ALDH7A1: variants seen among roughly 807,000 people sequenced by gnomAD.
The protein encoded by ALDH7A1 is alpha-aminoadipic semialdehyde dehydrogenase.
Under a neutral mutation model 79.9 loss-of-function variants are expected in ALDH7A1, and 63 were observed. The ratio of observed to expected loss-of-function variants is 0.79; its 90% CI spans 0.64 to 0.97. ALDH7A1 has a LOEUF of 0.97. ALDH7A1 is among the 50% of genes least tolerant of loss of function. The pLI, the probability that ALDH7A1 is intolerant of heterozygous loss-of-function variation, is 0.00. For synonymous variants in ALDH7A1, 240 were observed against 231.2 expected, an observed-to-expected ratio of 1.04 and a Z score of -0.34; for missense variants, 627 against 665.2, an observed-to-expected ratio of 0.94 and a Z score of 0.63.
chr5:126,583,200 A>T (rs1751232178), intron 4 of ALDH7A1, among the ~76,000 whole-genome samples: 2 of 152,156 alleles, frequency 1.3e-5, no homozygotes, highest in South Asian at 2.1e-4. Flanking sequence ...ATAAAGTACA[A>T]CCGGGCACAG....
intron 11 of ALDH7A1, 133 bp downstream of exon 11, chr5:126,559,107 G>T: frequency 1.4e-6 from 1 of 740,236 alleles, no homozygotes; most frequent in Non-Finnish European, 2.4e-6. Context: ...AAGAGAACTG[G>T]ACCACATATT....
At chr5:126,559,620 A>G (rs552207588) in intron 10 of ALDH7A1, among the ~76,000 whole-genome samples, 1 of 152,036 alleles carries the variant, frequency 6.6e-6, no homozygotes, top group African/African-American at 2.4e-5. Context: ...TTTAGTAGCA[A>G]TGGGGTGTCA....
chr5:126,579,376 G>C (rs1751092726), intron 5 of ALDH7A1, among the ~76,000 whole-genome samples: 1 of 152,168 alleles, frequency 6.6e-6, no homozygotes, highest in Admixed American at 6.5e-5. Flanking sequence ...CATGAGGCTG[G>C]GTTAGGGGAT....
chr5:126,593,927 G>A (rs1434025322), intron 1 of ALDH7A1: 4 of 273,226 alleles, frequency 1.5e-5, no homozygotes, highest in South Asian at 1.1e-4. Flanking sequence ...ACCGAGGTCT[G>A]AGGAGCAATT....
chr5:126,594,581 A>C (rs1751675431), intron 1 of ALDH7A1: 2 of 304,416 alleles, frequency 6.6e-6, no homozygotes, highest in South Asian at 5.9e-5. Context: ...AGTAGCTGGG[A>C]TTACAGGCAT....
At chr5:126,550,593 AG>A (rs781242029) in intron 14 of ALDH7A1, among the ~76,000 whole-genome samples, 1 of 146,270 alleles carries the variant, frequency 6.8e-6, no homozygotes, top group Non-Finnish European at 1.6e-5. Context: ...CACCAATCTA[AG>A]CACTTAACAT....
At chr5:126,561,010 A>G in intron 10 of ALDH7A1, 73 bp downstream of exon 10, 3 of 1,530,528 alleles carry the variant, frequency 2.0e-6, no homozygotes, top group Non-Finnish European at 2.7e-6. Context: ...GATCCCAAAC[A>G]AGTTCCATAT....
Position 126,577,199 on chromosome 5 carries a change from G to A in ALDH7A1, c.530C>T (p.Ala177Val). ...TACGGGATTCCACTGCTCAATCAGTGCATGGCCAGATCCTGAGGACAGAAA... is the reference window on the plus strand; with the variant it reads ...TACGGGATTCCACTGCTCAATCAGTACATGGCCAGATCCTGAGGACAGAAA... ...PILPSERSGHALIEQWNPVGL... is the reference protein window; with the variant it reads ...PILPSERSGHVLIEQWNPVGL... The change falls in exon 6 of 18, where the codon GCA (alanine) becomes GTA (valine). Residue 177 changes from alanine (A) to valine (V), a missense_variant. By Grantham distance (64) the Ala-to-Val change is moderately conservative. Coordinates refer to ENST00000409134, the MANE Select transcript of ALDH7A1 (RefSeq NM_001182.5). 6.2e-7 allele frequency: 1 copy of A among 1,614,128 alleles called. No homozygotes were observed. Among genetic ancestry groups the A allele is most frequent in the Non-Finnish European group, 8.5e-7 (1 of 1,180,008 alleles).
In ALDH7A1 at chr5:126,550,320, A is replaced by G. The variant is rs773773208; in HGVS notation, c.1318-27T>C. 6 of 1,537,946 alleles carry G rather than the reference A, an allele frequency of 3.9e-6. No homozygotes were observed. In the South Asian group the frequency reaches 6.7e-5, roughly 17 times the overall value. On this transcript the variant is annotated intron_variant, in intron 14 of 17. Coordinates refer to ENST00000409134, the MANE Select transcript of ALDH7A1 (RefSeq NM_001182.5). The stretch of plus-strand genomic sequence containing the variant: ...TAAAAGGAGAGACATTGGAAGCTGT[A>G]AGATGTTATAGTGTTCAAGTCAAAG...
Position 126,549,991 on chromosome 5 carries a change from G to T in ALDH7A1, c.1427C>A (p.Ser476Ter). The change falls in exon 16 of 18, where the codon TCA becomes TAA. Residue 476 changes from serine to a stop codon, truncating the protein, a stop_gained. Coordinates refer to ENST00000409134, the MANE Select transcript of ALDH7A1 (RefSeq NM_001182.5). LOFTEE classifies it high-confidence loss of function. ...GTTGACATTTACAATGCCACAGTCTGATCCTTTAGGTCTGTGTAAAAAGGG... is the reference window on the plus strand; with the variant it reads ...GTTGACATTTACAATGCCACAGTCTTATCCTTTAGGTCTGTGTAAAAAGGG... Reference protein sequence around the residue: ...RIFRWLGPKGSDCGIVNVNIP... With the variant: ...RIFRWLGPKG The T allele has an allele frequency of 6.2e-7, 1 of 1,614,098 alleles. No homozygotes were observed. The highest frequency in any genetic ancestry group is 8.5e-7 in the Non-Finnish European group (1 of 1,179,994).
In ALDH7A1 at chr5:126,595,173, C is replaced by T. The variant is rs1751705701; in HGVS notation, c.26G>A (p.Cys9Tyr). Residue 9 changes from cysteine (C) to tyrosine (Y), a missense_variant, in exon 1 of 18, where the codon TGT becomes TAT. Cys to Tyr is a radical substitution (Grantham distance 194). Transcript: ENST00000409134. ...CTTGCTGGTCTTTGCAGCGTGCACA[C>T]ACAGCGCGCGAGGAAGGCGCCACAT... MWRLPRAL[C>Y]VHAAKTSKLS... 3 of 1,553,456 alleles carry T rather than the reference C, an allele frequency of 1.9e-6. No individual in the cohort carries two copies. The highest frequency in any genetic ancestry group is 2.4e-5 in the South Asian group (2 of 84,342).
chr5:126,574,873 A>G (rs1056165633), intron 7 of ALDH7A1, among the ~76,000 whole-genome samples: 1 of 152,128 alleles, frequency 6.6e-6, no homozygotes, highest in Non-Finnish European at 1.5e-5. Flanking sequence ...ACATCCTCCA[A>G]ATTCCAGAAT....
chr5:126,584,073 G>T, intron 3 of ALDH7A1, 61 bp from the exon 4 acceptor site: 3 of 1,310,658 alleles, frequency 2.3e-6, no homozygotes, highest in Non-Finnish European at 3.3e-6. Flanking sequence ...TTATAACACA[G>T]TATTGGATGT....
At chr5:126,557,436 A>T (rs1750234493) in intron 11 of ALDH7A1, among the ~76,000 whole-genome samples, 1 of 151,932 alleles carries the variant, frequency 6.6e-6, no homozygotes, top group Admixed American at 6.6e-5. Flanking sequence ...AAAATACAAA[A>T]ATTAGCCAGG....
chr5:126,564,609 T>G, intron 9 of ALDH7A1: 2 of 1,232,924 alleles, frequency 1.6e-6, no homozygotes, highest in Non-Finnish European at 2.1e-6. Flanking sequence ...CAGGTAAGCA[T>G]CAAGTGAATA....
intron 11 of ALDH7A1, among the ~76,000 whole-genome samples, chr5:126,556,319 T>C (rs2112763523): frequency 2.1e-5 from 3 of 142,302 alleles, no homozygotes; most frequent in African/African-American, 7.7e-5. Context: ...CTCAGCTCAC[T>C]GCAACCTCCA....
At chr5:126,585,303 A>T (rs1158334249) in intron 3 of ALDH7A1, among the ~76,000 whole-genome samples, 6 of 152,138 alleles carry the variant, frequency 3.9e-5, no homozygotes, top group Admixed American at 3.9e-4. Flanking sequence ...TGTCTCAAAA[A>T]AAATAATAAA....
chr5:126,593,448 C>T, intron 1 of ALDH7A1, 44 bp from the exon 2 acceptor site: 1 of 1,612,902 alleles, frequency 6.2e-7, no homozygotes, highest in Non-Finnish European at 8.5e-7. Context: ...AACGTAATCC[C>T]TTTTGAAGTA....
At chr5:126,586,615 G>A (rs914570462) in intron 3 of ALDH7A1, 2 of 152,242 alleles carry the variant, frequency 1.3e-5, no homozygotes, top group African/African-American at 4.8e-5. Context: ...CCATGAAAGG[G>A]GAGCTAGATT....
Sources: gnomAD v4.1 joint callset for allele counts (sites outside exome capture counted in the v4.1 genomes callset) on GRCh38, gnomAD v4.1.1 for gene constraint, MANE v1.5 for transcripts, NCBI Gene and HGNC (gene_info 2026-07-23, HGNC 2026-07-21) for gene names.